The following SSTR1 variants were observed in gnomAD, a reference collection of about 807,000 sequenced individuals.
The protein encoded by SSTR1 is somatostatin receptor type 1.
A neutral mutation model predicts 20.7 loss-of-function variants in SSTR1; 10 were observed. That is an observed-to-expected ratio of 0.48 (90% CI 0.30 to 0.82). The LOEUF (loss-of-function observed/expected upper bound fraction) is 0.82, where lower values mean the gene tolerates loss of function less well. Among genes scored for constraint, SSTR1 ranks in the 40% least tolerant of loss-of-function variants. The pLI, the probability that SSTR1 is intolerant of heterozygous loss-of-function variation, is 0.07. For missense variants in SSTR1, 494 were observed against 540.0 expected (o/e 0.91, Z 0.84); for synonymous variants, 267 against 227.8 (o/e 1.17, Z -1.55).
Position 38,210,505 on chromosome 14 carries a change from C to A in SSTR1, c.1116C>A (p.Asn372Lys). ...AYSVEDFQPE[N>K]LESGGVFRNG... is the part of the protein sequence containing the mutation. ...GTGTGGAAGACTTCCAACCTGAGAA[C>A]CTGGAGTCCGGCGGCGTCTTCCGTA... The change falls in exon 3 of 3, where the codon AAC (asparagine) becomes AAA (lysine). Residue 372 changes from asparagine to lysine, a missense_variant. Coordinates refer to ENST00000267377, the MANE Select transcript of SSTR1 (RefSeq NM_001049.3). 6.2e-7 allele frequency: 1 copy of A among 1,612,364 alleles called. No individual in the cohort carries two copies. Among genetic ancestry groups the A allele is most frequent in the Non-Finnish European group, 8.5e-7 (1 of 1,179,250 alleles).
rs1042903870 is a variant in SSTR1, at chr14:38,209,662, G to A, written c.273G>A (p.Thr91=). 1 of 1,614,020 alleles carries A rather than the reference G, an allele frequency of 6.2e-7. No individual in the cohort carries two copies. Among genetic ancestry groups the A allele is most frequent in the Admixed American group, 1.7e-5 (1 of 60,008 alleles). ...TCCTGCGCTATGCCAAGATGAAGAC[G>A]GCCACCAACATCTACATCCTAAATC... ...YVILRYAKMK[T]ATNIYILNLA... The change falls in exon 3 of 3, where the codon ACG becomes ACA. Residue 91 remains threonine, a synonymous_variant. Transcript: ENST00000267377.
In SSTR1 at chr14:38,210,856, A is replaced by T; in HGVS notation, c.*291A>T. 2.0e-6 allele frequency: 1 copy of T among 506,532 alleles called. No homozygotes were observed. 31.4% of individuals were successfully genotyped at this position (506,532 alleles called of 1,614,324 possible). The stretch of plus-strand genomic sequence containing the variant: ...TTCCTCCACTGCGCTTACTCCTCTG[A>T]CCCTCCTTCTATTTTCCCTACCCTG... On this transcript the variant is annotated 3_prime_UTR_variant, in exon 3 of 3. Coordinates refer to ENST00000267377, the MANE Select transcript of SSTR1 (RefSeq NM_001049.3).
rs754124892 is a variant in SSTR1 at position 38,210,078 on chromosome 14, T to C, written c.689T>C (p.Met230Thr). ...LVGFVLYTFL[M>T]GFLLPVGAIC... ...GGCTTCGTGTTGTACACATTTCTCA[T>C]GGGCTTCCTGCTGCCCGTGGGGGCT... Residue 230 changes from methionine to threonine, a missense_variant, in exon 3 of 3, where the codon ATG becomes ACG. Met to Thr is a moderately conservative substitution (Grantham distance 81, BLOSUM62 -1). This residue lies in a region of SSTR1 where 280 missense variants were observed against 286.1 expected (regional missense o/e 0.98). Coordinates refer to ENST00000267377, the MANE Select transcript of SSTR1 (RefSeq NM_001049.3). 7 of 1,614,202 alleles carry C rather than the reference T, an allele frequency of 4.3e-6. No individual in the cohort carries two copies. In the South Asian group the frequency reaches 6.6e-5, roughly 15 times the overall value.
chr14:38,210,045 G>A lies in SSTR1; in HGVS notation c.656G>A (p.Trp219Ter), dbSNP rs1883294775. 2 of 1,614,226 alleles carry A rather than the reference G, an allele frequency of 1.2e-6. No individual in the cohort carries two copies. The highest frequency in any genetic ancestry group is 2.2e-5 in the East Asian group (1 of 44,868). ...CTCATGCCAGAGCCCGCTCAACGCT[G>A]GCTGGTGGGCTTCGTGTTGTACACA... ...NMLMPEPAQRWLVGFVLYTFL... is the reference protein window; with the variant it reads ...NMLMPEPAQR The change falls in exon 3 of 3, where the codon TGG becomes TAG. Residue 219 changes from tryptophan to a stop codon, truncating the protein, a stop_gained. Coordinates refer to ENST00000267377, the MANE Select transcript of SSTR1 (RefSeq NM_001049.3). LOFTEE classifies it high-confidence loss of function.
chr14:38,209,996 G>T lies in SSTR1; in HGVS notation c.607G>T (p.Asp203Tyr). Residue 203 changes from aspartate (D) to tyrosine (Y), a missense_variant, in exon 3 of 3, where the codon GAC becomes TAC. Physicochemically the swap from Asp to Tyr is radical, Grantham distance 160. Around this residue, in one of 3 missense-constraint regions of SSTR1, gnomAD observed 280 missense variants for 286.1 expected, o/e 0.98. Transcript: ENST00000267377. ...CTTCTCTCGCACCGCGGCCAACAGC[G>T]ACGGCACGGTGGCTTGCAACATGCT... ...VVFSRTAANS[D>Y]GTVACNMLMP... 3.1e-6 allele frequency: 5 copies of T among 1,614,112 alleles called. No homozygotes were observed. The highest frequency in any genetic ancestry group is 4.2e-6 in the Non-Finnish European group (5 of 1,180,046).
chr14:38,209,465 G>A lies in SSTR1; in HGVS notation c.76G>A (p.Gly26Ser). 1.9e-6 allele frequency: 3 copies of A among 1,556,924 alleles called. No individual in the cohort carries two copies. The highest frequency in any genetic ancestry group is 2.6e-6 in the Non-Finnish European group (3 of 1,152,434). Residue 26 changes from glycine to serine, a missense_variant, in exon 3 of 3, where the codon GGC (glycine) becomes AGC (serine). Physicochemically the swap from Gly to Ser is moderately conservative, Grantham distance 56. This residue lies in a region of SSTR1 where 98 missense variants were observed against 79.3 expected (regional missense o/e 1.24). Transcript: ENST00000267377. The stretch of plus-strand genomic sequence containing the variant: ...CCCGGGCAGCTGCGGCGAAGGCGGC[G>A]GCAGCAGGGGCCCCGGGGCCGGCGC... ...PSPGSCGEGG[G>S]SRGPGAGAAD...
At position 38,211,157 on chromosome 14, in the gene SSTR1, G is replaced by A. The variant is rs1225819593; in HGVS notation, c.*592G>A. ...GGACTTGAGAAAGATCTAAGCAGCTGGTCTTTTCTCCTACTCTTGGGTGAA... is the reference window on the plus strand; with the variant it reads ...GGACTTGAGAAAGATCTAAGCAGCTAGTCTTTTCTCCTACTCTTGGGTGAA... On this transcript the variant is annotated 3_prime_UTR_variant, in exon 3 of 3. Transcript: ENST00000267377. The A allele has an allele frequency of 1.2e-5, 2 of 167,242 alleles. No individual in the cohort carries two copies. Among genetic ancestry groups the A allele is most frequent in the Non-Finnish European group, 2.9e-5 (2 of 68,440 alleles). 10.4% of individuals were successfully genotyped at this position (167,242 alleles called of 1,614,324 possible). A position where few individuals can be genotyped will look rare whatever the true frequency, so the allele number is the denominator to read the frequency against.
rs904809532 is a variant in SSTR1, at chr14:38,211,346, A to G, written c.*781A>G. ...CCCAAGCCCTCCTTTGGAGCAAAGA[A>G]GGAGCTGAGAACAAGCCGAATGAGG... is the stretch of plus-strand genomic sequence containing the variant. On this transcript the variant is annotated 3_prime_UTR_variant, in exon 3 of 3. Coordinates refer to ENST00000267377, the MANE Select transcript of SSTR1 (RefSeq NM_001049.3). 1 of 167,056 alleles carries G rather than the reference A, an allele frequency of 6.0e-6. No individual in the cohort carries two copies. Among genetic ancestry groups the G allele is most frequent in the Non-Finnish European group, 1.5e-5 (1 of 68,136 alleles). 10.3% of individuals were successfully genotyped at this position (167,056 alleles called of 1,614,324 possible).
Position 38,210,559 on chromosome 14 carries a change from G to GCTCTGAGCCCGGGCCACGCAGGGA in SSTR1, c.*17_*18insACTCTGAGCCCGGGCCACGCAGGG. On this transcript the variant is annotated stop_gained and inframe_insertion, in exon 3 of 3. Coordinates refer to ENST00000267377, the MANE Select transcript of SSTR1 (RefSeq NM_001049.3). LOFTEE classifies it high-confidence loss of function. ...GCACCTGCACGTCCCGGATCACGAC[G>GCTCTGAGCCCGGGCCACGCAGGGA]CTCTGAGCCCGGGCCACGCAGGGGC... 2 of 1,550,844 alleles carry GCTCTGAGCCCGGGCCACGCAGGGA rather than the reference G, an allele frequency of 1.3e-6. No individual in the cohort carries two copies. The highest frequency in any genetic ancestry group is 1.7e-6 in the Non-Finnish European group (2 of 1,147,452).
chr14:38,212,721 T>C lies in SSTR1; in HGVS notation c.*2156T>C, dbSNP rs1420834746. 1.2e-5 allele frequency: 2 copies of C among 167,046 alleles called. No individual in the cohort carries two copies. Among genetic ancestry groups the C allele is most frequent in the Admixed American group, 6.5e-5 (1 of 15,284 alleles). 10.3% of individuals were successfully genotyped at this position (167,046 alleles called of 1,614,324 possible). A position where few individuals can be genotyped will look rare whatever the true frequency, so the allele number is the denominator to read the frequency against. On this transcript the variant is annotated 3_prime_UTR_variant, in exon 3 of 3. Transcript: ENST00000267377. ...TTCTCAGGTTCACTCATTGACATGA[T>C]ATACAATGGTTAAAATCACTATTGA... is the stretch of plus-strand genomic sequence containing the variant.
chr14:38,208,661 G>C (rs1202519111), intron 2 of SSTR1, 52 bp downstream of exon 2: 3 of 152,462 alleles, frequency 2.0e-5, no homozygotes, highest in African/African-American at 7.2e-5. Flanking sequence ...AGGCAAGCGA[G>C]GGTGGGAAGA....
In SSTR1 at chr14:38,210,553, C is replaced by T; in HGVS notation, c.1164C>T (p.Ile388=). The T allele has an allele frequency of 8.1e-7, 1 of 1,230,890 alleles. No homozygotes were observed. Among genetic ancestry groups the T allele is most frequent in the East Asian group, 2.5e-5 (1 of 39,456 alleles). 76.2% of individuals were successfully genotyped at this position (1,230,890 alleles called of 1,614,324 possible). A position where few individuals can be genotyped will look rare whatever the true frequency, so the allele number is the denominator to read the frequency against. ...GTAATGGCACCTGCACGTCCCGGAT[C>T]ACGACGCTCTGAGCCCGGGCCACGC... ...VFRNGTCTSR[I]TTL is the part of the protein sequence containing the mutation. The change falls in exon 3 of 3, where the codon ATC becomes ATT. Residue 388 remains isoleucine (I), a synonymous_variant. Coordinates refer to ENST00000267377, the MANE Select transcript of SSTR1 (RefSeq NM_001049.3).
chr14:38,212,408 A>C lies in SSTR1; in HGVS notation c.*1843A>C, dbSNP rs1344698395. On this transcript the variant is annotated 3_prime_UTR_variant, in exon 3 of 3. Transcript: ENST00000267377. ...ACAGAGACTTTAATCACTGCTGAAG[A>C]TGCCCCTGCTCCCTCTGGGTTCCAG... 1 of 167,048 alleles carries C rather than the reference A, an allele frequency of 6.0e-6. No homozygotes were observed. The allele number at this position is 167,048 out of a possible 1,614,324, so 10.3% of individuals were successfully genotyped here. A position where few individuals can be genotyped will look rare whatever the true frequency, so the allele number is the denominator to read the frequency against.
rs1442386178 is a variant in SSTR1, at chr14:38,210,552, T to G, written c.1163T>G (p.Ile388Ser). ...CGTAATGGCACCTGCACGTCCCGGA[T>G]CACGACGCTCTGAGCCCGGGCCACG... ...VFRNGTCTSR[I>S]TTL is the part of the protein sequence containing the mutation. The change falls in exon 3 of 3, where the codon ATC (isoleucine) becomes AGC (serine). Residue 388 changes from isoleucine (I) to serine (S), a missense_variant. By Grantham distance (142) the Ile-to-Ser change is moderately radical (BLOSUM62 -2). Coordinates refer to ENST00000267377, the MANE Select transcript of SSTR1 (RefSeq NM_001049.3). 1 of 1,250,802 alleles carries G rather than the reference T, an allele frequency of 8.0e-7. No individual in the cohort carries two copies. Among genetic ancestry groups the G allele is most frequent in the African/African-American group, 1.7e-5 (1 of 57,572 alleles). 77.5% of individuals were successfully genotyped at this position (1,250,802 alleles called of 1,614,324 possible).
At position 38,209,497 on chromosome 14, in the gene SSTR1, C is replaced by T. The variant is rs1594458592; in HGVS notation, c.108C>T (p.Asp36=). Reference sequence around the variant, plus strand: ...GGGGCCCCGGGGCCGGCGCTGCGGACGGCATGGAGGAGCCAGGGCGAAATG... The same window carrying T: ...GGGGCCCCGGGGCCGGCGCTGCGGATGGCATGGAGGAGCCAGGGCGAAATG... ...GSRGPGAGAA[D]GMEEPGRNAS... The change falls in exon 3 of 3, where the codon GAC becomes GAT. Residue 36 remains aspartate (D), a synonymous_variant. Transcript: ENST00000267377. The T allele has an allele frequency of 1.3e-6, 2 of 1,578,998 alleles. No homozygotes were observed. The highest frequency in any genetic ancestry group is 1.7e-6 in the Non-Finnish European group (2 of 1,161,658).
At position 38,210,543 on chromosome 14, in the gene SSTR1, C is replaced by CGG; in HGVS notation, c.1155_1156insGG (p.Ser386GlyfsTer57). On this transcript the variant is annotated frameshift_variant, in exon 3 of 3. Transcript: ENST00000267377. LOFTEE classifies it high-confidence loss of function. ...GGCGTCTTCCGTAATGGCACCTGCA[C>CGG]GTCCCGGATCACGACGCTCTGAGCC... The CGG allele has an allele frequency of 6.2e-7, 1 of 1,602,312 alleles. No individual in the cohort carries two copies.
In SSTR1 at chr14:38,209,984, G is replaced by T. The variant is rs1316365451; in HGVS notation, c.595G>T (p.Ala199Ser). The change falls in exon 3 of 3, where the codon GCG (alanine) becomes TCG (serine). Residue 199 changes from alanine to serine, a missense_variant. Physicochemically the swap from Ala to Ser is moderately conservative, Grantham distance 99. This residue lies in a region of SSTR1 where 280 missense variants were observed against 286.1 expected (regional missense o/e 0.98). Coordinates refer to ENST00000267377, the MANE Select transcript of SSTR1 (RefSeq NM_001049.3). ...GCCCATCGTGGTCTTCTCTCGCACC[G>T]CGGCCAACAGCGACGGCACGGTGGC... The part of the protein sequence containing the change: ...ILPIVVFSRT[A>S]ANSDGTVACN... 6.2e-7 allele frequency: 1 copy of T among 1,614,110 alleles called. No individual in the cohort carries two copies. Among genetic ancestry groups the T allele is most frequent in the South Asian group, 1.1e-5 (1 of 91,088 alleles).
chr14:38,208,146 G>C (rs1803874802), intron 1 of SSTR1, 42 bp downstream of exon 1: 1 of 152,408 alleles, frequency 6.6e-6, no homozygotes, highest in East Asian at 1.9e-4. Flanking sequence ...CCTTCCAAGC[G>C]GCGCAGCCTT....
In SSTR1 at chr14:38,209,803, G is replaced by C. The variant is rs567929113; in HGVS notation, c.414G>C (p.Ala138=). The change falls in exon 3 of 3, where the codon GCG becomes GCC. Residue 138 remains alanine (A), a synonymous_variant. Transcript: ENST00000267377. The part of the protein sequence containing the change: ...LLCRLVLSVD[A]VNMFTSIYCL... ...GCCGCCTCGTGCTCAGCGTGGACGCGGTCAACATGTTCACCAGCATCTACT... is the reference window on the plus strand; with the variant it reads ...GCCGCCTCGTGCTCAGCGTGGACGCCGTCAACATGTTCACCAGCATCTACT... 2.1e-5 allele frequency: 34 copies of C among 1,613,700 alleles called. No homozygotes were observed. Among genetic ancestry groups the C allele is most frequent in the Non-Finnish European group, 2.7e-5 (32 of 1,180,038 alleles).
Sources: gnomAD v4.1 joint callset for allele counts on GRCh38, gnomAD v4.1.1 for gene constraint, gnomAD v4.1.1 regional missense constraint, MANE v1.5 for transcripts, NCBI Gene and HGNC (gene_info 2026-07-23, HGNC 2026-07-21) for gene names.